YEATS4: variants seen among roughly 807,000 people sequenced by gnomAD.
The protein encoded by YEATS4 is YEATS domain containing 4.
Under a neutral mutation model 30.1 loss-of-function variants are expected in YEATS4, and 17 were observed. That is an observed-to-expected ratio of 0.56 (90% CI 0.39 to 0.85). YEATS4 has a LOEUF of 0.85. Among genes scored for constraint, YEATS4 ranks in the 40% least tolerant of loss-of-function variants. The pLI is 0.00. For missense variants in YEATS4, 142 were observed against 268.3 expected (o/e 0.53, Z 3.29); for synonymous variants, 85 against 87.5 (o/e 0.97, Z 0.16).
At chr12:69,411,476 T>C in the YEATS4 span, among the ~76,000 whole-genome samples, 1 of 152,182 alleles carries the variant, frequency 6.6e-6, no homozygotes, top group African/African-American at 2.4e-5. Flanking sequence ...AATAAACAAA[T>C]GTCCCTACCA....
At chr12:69,415,712 T>G in the YEATS4 span, among the ~76,000 whole-genome samples, 1 of 152,072 alleles carries the variant, frequency 6.6e-6, no homozygotes, top group Non-Finnish European at 1.5e-5. Context: ...AGACTGTGTA[T>G]GGGGACAGGT....
intron 6 of YEATS4, among the ~76,000 whole-genome samples, chr12:69,374,883 G>A (rs1245163382): frequency 3.3e-5 from 5 of 152,068 alleles, no homozygotes; most frequent in African/African-American, 1.2e-4. Context: ...CGTTCTCAAT[G>A]AGCTGTTAGG....
At chr12:69,397,681 C>G in the YEATS4 span, among the ~76,000 whole-genome samples, 1 of 152,210 alleles carries the variant, frequency 6.6e-6, no homozygotes. Context: ...TTTGGTATGT[C>G]TTTATTAGCA....
chr12:69,378,922 A>ACT (rs34048752), intron 6 of YEATS4, among the ~76,000 whole-genome samples: 69,951 of 151,966 alleles, frequency 0.46, 16,112 homozygotes, highest in Non-Finnish European at 0.5. Flanking sequence ...AGATTGAAGA[A>ACT]CTTCAGCATT....
intron 6 of YEATS4, among the ~76,000 whole-genome samples, chr12:69,380,770 A>G (rs1876043700): frequency 6.6e-6 from 1 of 152,222 alleles, no homozygotes; most frequent in South Asian, 2.1e-4. Flanking sequence ...TGAGAAATAA[A>G]GGGACAGAGT....
chr12:69,407,691 A>C, the YEATS4 span, among the ~76,000 whole-genome samples: 1 of 144,300 alleles, frequency 6.9e-6, no homozygotes, highest in East Asian at 2.1e-4. Context: ...CTAAGTACAA[A>C]TACTTTTTGT....
At chr12:69,396,179 C>T in the YEATS4 span, among the ~76,000 whole-genome samples, 4 of 152,322 alleles carry the variant, frequency 2.6e-5, no homozygotes, top group Admixed American at 6.5e-5. Flanking sequence ...TTAGTCTACC[C>T]TTAGTAAATT....
At chr12:69,404,019 A>G in the YEATS4 span, among the ~76,000 whole-genome samples, 1 of 151,322 alleles carries the variant, frequency 6.6e-6, no homozygotes, top group Non-Finnish European at 1.5e-5. Flanking sequence ...CATTCTGTAA[A>G]TGTGTCTTAT....
chr12:69,390,217 A>G lies in YEATS4; in HGVS notation c.585A>G (p.Ala195=). 1 of 1,604,086 alleles carries G rather than the reference A, an allele frequency of 6.2e-7. No individual in the cohort carries two copies. The highest frequency in any genetic ancestry group is 8.5e-7 in the Non-Finnish European group (1 of 1,177,678). ...AAKKKTSFEI[A]ELKERLKASR... ...AGAAAAAAACAAGCTTTGAGATTGC[A>G]GAGCTTAAGGAGAGATTAAAAGCAA... Residue 195 remains alanine, a synonymous_variant, in exon 7 of 7, where the codon GCA becomes GCG. Coordinates refer to ENST00000247843, the MANE Select transcript of YEATS4 (RefSeq NM_006530.4).
At chr12:69,362,697 C>G in intron 1 of YEATS4, 91 bp from the exon 2 acceptor site, 3 of 943,692 alleles carry the variant, frequency 3.2e-6, no homozygotes, top group Non-Finnish European at 4.4e-6. Flanking sequence ...TGTTAGCCTG[C>G]CATTCTTTAA....
At chr12:69,414,552 C>A in the YEATS4 span, among the ~76,000 whole-genome samples, 1 of 152,268 alleles carries the variant, frequency 6.6e-6, no homozygotes, top group African/African-American at 2.4e-5. Flanking sequence ...TATTGTCCCC[C>A]AAATTGGACA....
chr12:69,362,692 G>T, intron 1 of YEATS4, 96 bp from the exon 2 acceptor site: 2 of 894,076 alleles, frequency 2.2e-6, no homozygotes, highest in Non-Finnish European at 1.6e-6. Flanking sequence ...TAGATTGTTA[G>T]CCTGCCATTC....
At chr12:69,401,781 G>A in the YEATS4 span, among the ~76,000 whole-genome samples, 1 of 152,148 alleles carries the variant, frequency 6.6e-6, no homozygotes, top group Non-Finnish European at 1.5e-5. Context: ...GAGGTTTCTT[G>A]TCTCTCACAC....
the YEATS4 span, among the ~76,000 whole-genome samples, chr12:69,401,691 A>G: frequency 6.6e-6 from 1 of 152,230 alleles, no homozygotes; most frequent in Admixed American, 6.5e-5. Flanking sequence ...TTAAAAGTAA[A>G]TTTGTAAGTT....
intron 6 of YEATS4, among the ~76,000 whole-genome samples, chr12:69,388,433 G>C (rs1480015561): frequency 6.6e-6 from 1 of 152,202 alleles, no homozygotes; most frequent in Non-Finnish European, 1.5e-5. Flanking sequence ...TTTGAAATCA[G>C]ATCTTTTCTG....
At chr12:69,412,375 G>A in the YEATS4 span, among the ~76,000 whole-genome samples, 1 of 152,086 alleles carries the variant, frequency 6.6e-6, no homozygotes, top group Non-Finnish European at 1.5e-5. Flanking sequence ...GGCAAGTCCG[G>A]GCGCGGTGGC....
Position 69,384,115 on chromosome 12 carries a change from GTTTC to G in YEATS4, c.515-6028_515-6025del, listed in dbSNP as rs1340912855. 9.9e-5 allele frequency among the ~76,000 whole-genome samples: 15 copies of G among 152,220 alleles called. No individual in the cohort carries two copies. The East Asian group carries it at 2.1e-3, about 22-fold the overall frequency. The stretch of plus-strand genomic sequence containing the variant: ...AGTCATTGAAAATTTGTATGCTTTA[GTTTC>G]TTTATCTGCAAAAATGTTATGAACA... On this transcript the variant is annotated intron_variant, in intron 6 of 6. Coordinates refer to ENST00000247843, the MANE Select transcript of YEATS4 (RefSeq NM_006530.4).
chr12:69,377,629 G>A (rs1426026518), intron 6 of YEATS4, among the ~76,000 whole-genome samples: 3 of 152,100 alleles, frequency 2.0e-5, no homozygotes, highest in Admixed American at 2.0e-4. Context: ...TAAATTCCAT[G>A]TGTTTGTATA....
intron 6 of YEATS4, among the ~76,000 whole-genome samples, chr12:69,385,246 A>C (rs1219009743): frequency 1.3e-5 from 2 of 151,718 alleles, no homozygotes; most frequent in Admixed American, 1.3e-4. Flanking sequence ...TATTACAGGC[A>C]TGAATCACCA....
Sources: allele counts gnomAD v4.1 joint callset (sites outside exome capture counted in the v4.1 genomes callset), GRCh38; gene constraint gnomAD v4.1.1; transcripts MANE v1.5; gene names NCBI Gene and HGNC (gene_info 2026-07-23, HGNC 2026-07-21).